The following LANCL3 variants were observed in gnomAD, a reference collection of about 807,000 sequenced individuals.
The protein encoded by LANCL3 is lanC-like protein 3.
In LANCL3, 19 loss-of-function variants were observed where a neutral mutation model predicts 26.5. The ratio of observed to expected loss-of-function variants is 0.72; its 90% CI spans 0.50 to 1.05. The LOEUF (loss-of-function observed/expected upper bound fraction) is 1.05, where lower values mean the gene tolerates loss of function less well. Among genes scored for constraint, LANCL3 ranks in the 50% least tolerant of loss-of-function variants. The probability of loss-of-function intolerance (pLI) is 0.00; values close to 1 mark genes in which losing one functional copy is unlikely to be tolerated. For missense variants in LANCL3, 318 were observed against 362.7 expected (o/e 0.88, Z 1.00); for synonymous variants, 160 against 166.6 (o/e 0.96, Z 0.30).
chrX:37,571,929 C>T lies in LANCL3; in HGVS notation c.59C>T (p.Ala20Val). The change falls in exon 1 of 5, where the codon GCG becomes GTG. Residue 20 changes from alanine to valine, a missense_variant. Coordinates refer to ENST00000378619, the MANE Select transcript of LANCL3 (RefSeq NM_001170331.2). ...RFDDYQGSLLAGQCEEAVAPL... is the reference protein window; with the variant it reads ...RFDDYQGSLLVGQCEEAVAPL... Reference sequence around the variant, plus strand: ...GATGACTACCAGGGCAGCCTGCTGGCGGGCCAGTGTGAGGAGGCGGTGGCG... The same window carrying T: ...GATGACTACCAGGGCAGCCTGCTGGTGGGCCAGTGTGAGGAGGCGGTGGCG... The T allele has an allele frequency of 8.3e-7, 1 of 1,206,905 alleles. No individual in the cohort carries two copies. The highest frequency in any genetic ancestry group is 1.1e-6 in the Non-Finnish European group (1 of 893,917).
chrX:37,598,857 T>C (rs1556419744), intron 1 of LANCL3, among the ~76,000 whole-genome samples: 2 of 112,252 alleles, frequency 1.8e-5, no homozygotes, highest in Admixed American at 9.4e-5. Flanking sequence ...GTGGCATTTT[T>C]TCCCAAGTAG....
At chrX:37,629,976 A>G (rs1318735471) in intron 1 of LANCL3, among the ~76,000 whole-genome samples, 49 of 111,385 alleles carry the variant, frequency 4.4e-4, no homozygotes, top group African/African-American at 1.4e-3. Flanking sequence ...TTTTTTTCCA[A>G]TTCTGTGAAG....
chrX:37,574,054 C>CAAAAAAAAAAAAAA (rs34987799), intron 1 of LANCL3, among the ~76,000 whole-genome samples: 8 of 33,410 alleles, frequency 2.4e-4, no homozygotes, highest in African/African-American at 7.4e-4. Context: ...TCAAGGATAG[C>CAAAAAAAAAAAAAA]AAAAAAAAAA....
At position 37,683,516 on chromosome X, in the gene LANCL3, A is replaced by T. The variant is rs941233506; in HGVS notation, c.*7703A>T. 3 of 112,208 alleles carry T rather than the reference A, an allele frequency of 2.7e-5. No individual in the cohort carries two copies. The highest frequency in any genetic ancestry group is 5.6e-4 in the East Asian group (2 of 3,599). 9.2% of individuals were successfully genotyped at this position (112,208 alleles called of 1,213,427 possible). A position where few individuals can be genotyped will look rare whatever the true frequency, so the allele number is the denominator to read the frequency against. On this transcript the variant is annotated 3_prime_UTR_variant, in exon 5 of 5. Transcript: ENST00000378619. ...CTAATTTCCATTAGCACTAAATCAA[A>T]CAGCACTTATCTGTTGTATACAAGT...
At chrX:37,601,902 A>T (rs782430471) in intron 1 of LANCL3, among the ~76,000 whole-genome samples, 7 of 112,080 alleles carry the variant, frequency 6.2e-5, no homozygotes, top group African/African-American at 2.3e-4. Context: ...CTTGAAAAAT[A>T]TTGGGGTCCT....
At chrX:37,624,716 G>A (rs782318502) in intron 1 of LANCL3, among the ~76,000 whole-genome samples, 1 of 111,449 alleles carries the variant, frequency 9.0e-6, no homozygotes, top group East Asian at 2.8e-4. Flanking sequence ...GCACATTTCC[G>A]GGATTTTCTT....
Position 37,679,343 on chromosome X carries a change from A to AT in LANCL3, c.*3537dup, listed in dbSNP as rs1556438231. On this transcript the variant is annotated 3_prime_UTR_variant, in exon 5 of 5. Coordinates refer to ENST00000378619, the MANE Select transcript of LANCL3 (RefSeq NM_001170331.2). ...CTAGATGGATAAAAACCAAGTGTAC[A>AT]TTTTTTTATATTCTACCACCAGTCC... 9.0e-6 allele frequency: 1 copy of AT among 111,580 alleles called. No individual in the cohort carries two copies. The highest frequency in any genetic ancestry group is 3.3e-5 in the African/African-American group (1 of 30,713). 9.2% of individuals were successfully genotyped at this position (111,580 alleles called of 1,213,427 possible).
At position 37,679,508 on chromosome X, in the gene LANCL3, T is replaced by C. The variant is rs1311182141; in HGVS notation, c.*3695T>C. On this transcript the variant is annotated 3_prime_UTR_variant, in exon 5 of 5. Transcript: ENST00000378619. The stretch of plus-strand genomic sequence containing the variant: ...AACAAAGGATTACAGTGCCAATAAC[T>C]CAAGAAAAGGAGCAGGCAAGCCAGG... 1.8e-5 allele frequency: 2 copies of C among 111,307 alleles called. No homozygotes were observed. The highest frequency in any genetic ancestry group is 3.8e-5 in the Non-Finnish European group (2 of 53,023). 9.2% of individuals were successfully genotyped at this position (111,307 alleles called of 1,213,427 possible). A position where few individuals can be genotyped will look rare whatever the true frequency, so the allele number is the denominator to read the frequency against.
Position 37,592,881 on chromosome X carries a change from G to C in LANCL3, c.573+20438G>C, listed in dbSNP as rs149863430. Among the ~76,000 whole-genome samples, 679 of 111,280 alleles carry C rather than the reference G, an allele frequency of 6.1e-3. 1 individual carries two copies. Among genetic ancestry groups the C allele is most frequent in the Admixed American group, 0.012 (124 of 10,477 alleles). On this transcript the variant is annotated intron_variant, in intron 1 of 4. Transcript: ENST00000378619. ...AGAGACCCACCAGCATATTGGATGGGAAAACAATAAAGAAGAGTCTCTAAA... is the reference window on the plus strand; with the variant it reads ...AGAGACCCACCAGCATATTGGATGGCAAAACAATAAAGAAGAGTCTCTAAA...
Position 37,675,635 on chromosome X carries a change from T to C in LANCL3, c.1104-19T>C. 1 of 1,072,205 alleles carries C rather than the reference T, an allele frequency of 9.3e-7. No individual in the cohort carries two copies. Among genetic ancestry groups the C allele is most frequent in the Non-Finnish European group, 1.2e-6 (1 of 815,678 alleles). 88.4% of individuals were successfully genotyped at this position (1,072,205 alleles called of 1,213,427 possible). A position where few individuals can be genotyped will look rare whatever the true frequency, so the allele number is the denominator to read the frequency against. On this transcript the variant is annotated intron_variant, in intron 4 of 4. Coordinates refer to ENST00000378619, the MANE Select transcript of LANCL3 (RefSeq NM_001170331.2). Reference sequence around the variant, plus strand: ...GGAAACACTCATGTTAAACTGTTCATATTTTCTTCTTCTCTTAGGTTTGCT... The same window carrying C: ...GGAAACACTCATGTTAAACTGTTCACATTTTCTTCTTCTCTTAGGTTTGCT...
At chrX:37,576,661 G>T (rs1222929810) in intron 1 of LANCL3, among the ~76,000 whole-genome samples, 1 of 111,475 alleles carries the variant, frequency 9.0e-6, no homozygotes, top group African/African-American at 3.3e-5. Context: ...GTTCAGTAGT[G>T]AACCAAAAAT....
intron 3 of LANCL3, among the ~76,000 whole-genome samples, chrX:37,661,164 A>G (rs1926413525): frequency 8.9e-6 from 1 of 111,856 alleles, no homozygotes; most frequent in South Asian, 3.7e-4. Flanking sequence ...AGACATACCA[A>G]TTTAAACACA....
intron 4 of LANCL3, among the ~76,000 whole-genome samples, chrX:37,669,461 T>C (rs1410691226): frequency 5.4e-5 from 6 of 111,729 alleles, no homozygotes; most frequent in African/African-American, 2.0e-4. Flanking sequence ...TTCTCATGAA[T>C]GGTTTGGCAC....
At chrX:37,636,504 G>T (rs1925708816) in intron 1 of LANCL3, among the ~76,000 whole-genome samples, 1 of 112,351 alleles carries the variant, frequency 8.9e-6, no homozygotes, top group African/African-American at 3.2e-5. Context: ...TAAAAAGCTT[G>T]CGTAATTGTC....
chrX:37,608,426 T>C (rs1321998735), intron 1 of LANCL3, among the ~76,000 whole-genome samples: 1 of 111,476 alleles, frequency 9.0e-6, no homozygotes, highest in Non-Finnish European at 1.9e-5. Flanking sequence ...ATAGTGATGG[T>C]GTGGCTCCAG....
intron 1 of LANCL3, among the ~76,000 whole-genome samples, chrX:37,631,660 C>T (rs1282179918): frequency 4.5e-5 from 5 of 111,098 alleles, no homozygotes; most frequent in African/African-American, 1.6e-4. Context: ...TGTCTTTGTT[C>T]TCGTTGGTTT....
chrX:37,635,347 TG>T (rs1391833487), intron 1 of LANCL3, among the ~76,000 whole-genome samples: 3 of 112,094 alleles, frequency 2.7e-5, no homozygotes, highest in Non-Finnish European at 5.6e-5. Flanking sequence ...AGTTAGAATA[TG>T]AGATGAAGTA....
rs782302861 is a variant in LANCL3, at chrX:37,572,233, G to T, written c.363G>T (p.Leu121=). The T allele has an allele frequency of 1.7e-6, 2 of 1,149,022 alleles. No homozygotes were observed. Among genetic ancestry groups the T allele is most frequent in the Non-Finnish European group, 2.3e-6 (2 of 867,218 alleles). The allele number at this position is 1,149,022 out of a possible 1,213,427, so 94.7% of individuals were successfully genotyped here. A position where few individuals can be genotyped will look rare whatever the true frequency, so the allele number is the denominator to read the frequency against. ...EPDADTRAAF[L]LGGAGVYAVA... is the part of the protein sequence containing the mutation. ...ACGCCGACACCCGCGCCGCCTTCCTGCTCGGGGGCGCGGGCGTGTACGCCG... is the reference window on the plus strand; with the variant it reads ...ACGCCGACACCCGCGCCGCCTTCCTTCTCGGGGGCGCGGGCGTGTACGCCG... Residue 121 remains leucine, a synonymous_variant, in exon 1 of 5, where the codon CTG becomes CTT. Transcript: ENST00000378619.
At chrX:37,640,119 C>G (rs1190410417) in intron 1 of LANCL3, among the ~76,000 whole-genome samples, 2 of 112,008 alleles carry the variant, frequency 1.8e-5, no homozygotes, top group African/African-American at 6.5e-5. Flanking sequence ...AAACATGGAG[C>G]ATGATATGAG....
Sources: gnomAD v4.1 joint callset for allele counts (sites outside exome capture counted in the v4.1 genomes callset) on GRCh38, gnomAD v4.1.1 for gene constraint, MANE v1.5 for transcripts, NCBI Gene and HGNC (gene_info 2026-07-23, HGNC 2026-07-21) for gene names.